The following RANBP2 variants were observed in gnomAD, a reference collection of about 807,000 sequenced individuals.
RANBP2 encodes E3 SUMO-protein ligase RanBP2.
Under a neutral mutation model 303.6 loss-of-function variants are expected in RANBP2, and 57 were observed. The observed-to-expected ratio is 0.19, with a 90% CI of 0.15 to 0.23. The LOEUF is 0.23. Among genes scored for constraint, RANBP2 ranks in the 10% least tolerant of loss-of-function variants. The pLI is 1.00. For missense variants in RANBP2, 3,138 were observed against 3,780.8 expected (o/e 0.83, Z 4.46); for synonymous variants, 1,167 against 1,301.5 (o/e 0.90, Z 2.23).
downstream of RANBP2, chr2:108,789,064 A>G (rs1446980239): frequency 7.8e-7 from 1 of 1,274,340 alleles, no homozygotes; most frequent in South Asian, 1.3e-5. Flanking sequence ...TTTCCTGAGG[A>G]CAAGTATGAG....
the RANBP2 span, among the ~76,000 whole-genome samples, chr2:109,507,244 C>G: frequency 6.6e-6 from 1 of 152,194 alleles, no homozygotes; most frequent in Non-Finnish European, 1.5e-5. Context: ...ATGCACCCCC[C>G]TTCCCGAGCC....
the RANBP2 span, among the ~76,000 whole-genome samples, chr2:108,914,631 T>G: frequency 6.6e-6 from 1 of 152,158 alleles, no homozygotes; most frequent in Non-Finnish European, 1.5e-5. Context: ...TAAAAGAAGA[T>G]CAACCTTCTT....
the RANBP2 span, among the ~76,000 whole-genome samples, chr2:109,012,837 C>T: frequency 6.6e-6 from 1 of 152,154 alleles, no homozygotes; most frequent in African/African-American, 2.4e-5. Flanking sequence ...TGGCGTGGAC[C>T]TGGGAGGCGG....
At chr2:108,807,741 C>T in the RANBP2 span, among the ~76,000 whole-genome samples, 6 of 152,148 alleles carry the variant, frequency 3.9e-5, no homozygotes, top group Non-Finnish European at 8.8e-5. Context: ...CCTCAGCCTC[C>T]CGAGTATCTG....
the RANBP2 span, among the ~76,000 whole-genome samples, chr2:109,163,136 C>T: frequency 6.6e-6 from 1 of 152,142 alleles, no homozygotes; most frequent in Non-Finnish European, 1.5e-5. Flanking sequence ...ATTGCAGGAC[C>T]CAGCAAGGAG....
chr2:109,403,817 G>A, the RANBP2 span, among the ~76,000 whole-genome samples: 1 of 152,204 alleles, frequency 6.6e-6, no homozygotes, highest in African/African-American at 2.4e-5. Flanking sequence ...GCAACCTTGG[G>A]TAAGCTGCCT....
chr2:109,687,958 G>A, the RANBP2 span, among the ~76,000 whole-genome samples: 2 of 152,084 alleles, frequency 1.3e-5, no homozygotes, highest in Admixed American at 1.3e-4. Context: ...TGTTGCCCAG[G>A]CTGGGTCAGG....
At chr2:109,562,478 A>G in the RANBP2 span, among the ~76,000 whole-genome samples, 4 of 151,878 alleles carry the variant, frequency 2.6e-5, no homozygotes, top group Non-Finnish European at 5.9e-5. Context: ...ACATACACCC[A>G]ATGACTAGCA....
the RANBP2 span, among the ~76,000 whole-genome samples, chr2:109,229,990 A>G: frequency 6.6e-6 from 1 of 151,730 alleles, no homozygotes; most frequent in Non-Finnish European, 1.5e-5. Flanking sequence ...ATGCCCGGCT[A>G]ATTTTTTGTA....
the RANBP2 span, among the ~76,000 whole-genome samples, chr2:108,984,648 T>C: frequency 2.0e-5 from 3 of 152,100 alleles, no homozygotes; most frequent in African/African-American, 7.2e-5. Flanking sequence ...CCCCCACTAC[T>C]ACCCTGGGCA....
chr2:109,181,475 C>T, the RANBP2 span, among the ~76,000 whole-genome samples: 1 of 151,984 alleles, frequency 6.6e-6, no homozygotes, highest in Non-Finnish European at 1.5e-5. Context: ...AAGGATTCCA[C>T]TGGTGTAACA....
At chr2:109,348,817 T>A in the RANBP2 span, among the ~76,000 whole-genome samples, 5 of 152,086 alleles carry the variant, frequency 3.3e-5, no homozygotes. Context: ...CTGCTGCACC[T>A]GCTCCCCGCC....
the RANBP2 span, among the ~76,000 whole-genome samples, chr2:109,294,350 C>G: frequency 6.6e-6 from 1 of 152,134 alleles, no homozygotes; most frequent in Non-Finnish European, 1.5e-5. Context: ...CGCTTGAGTC[C>G]AGGAGCTCGA....
chr2:108,976,942 T>G, the RANBP2 span, among the ~76,000 whole-genome samples: 1 of 152,198 alleles, frequency 6.6e-6, no homozygotes, highest in Non-Finnish European at 1.5e-5. Context: ...CACTGGAGAT[T>G]GGCATTAGAA....
At chr2:109,132,764 T>C in the RANBP2 span, among the ~76,000 whole-genome samples, 1 of 152,238 alleles carries the variant, frequency 6.6e-6, no homozygotes, top group Non-Finnish European at 1.5e-5. Context: ...AACTTGTTTG[T>C]TTATTGTTTT....
the RANBP2 span, among the ~76,000 whole-genome samples, chr2:109,155,139 A>G: frequency 2.0e-5 from 3 of 152,204 alleles, no homozygotes; most frequent in African/African-American, 7.2e-5. Context: ...ACAACTTGCT[A>G]TGCTGATGTT....
At chr2:109,211,646 TTC>T in the RANBP2 span, among the ~76,000 whole-genome samples, 2 of 123,932 alleles carry the variant, frequency 1.6e-5, no homozygotes, top group African/African-American at 7.2e-5. Context: ...CTGCATTTCT[TTC>T]TTTTTTTTTT....
chr2:109,029,081 G>A, the RANBP2 span, among the ~76,000 whole-genome samples: 12 of 151,628 alleles, frequency 7.9e-5, no homozygotes, highest in South Asian at 4.2e-4. Context: ...CACTGTGCCC[G>A]GCCTATGTGA....
At chr2:108,868,802 A>G in the RANBP2 span, among the ~76,000 whole-genome samples, 1 of 152,014 alleles carries the variant, frequency 6.6e-6, no homozygotes, top group Admixed American at 6.6e-5. Flanking sequence ...AAACTTGAAG[A>G]AAAAAAAGCT....
Sources: gnomAD v4.1 joint callset for allele counts (sites outside exome capture counted in the v4.1 genomes callset) on GRCh38, gnomAD v4.1.1 for gene constraint, MANE v1.5 for transcripts, NCBI Gene and HGNC (gene_info 2026-07-23, HGNC 2026-07-21) for gene names.